SHISA9: variants seen among roughly 807,000 people sequenced by gnomAD.
SHISA9 encodes the protein shisa family member 9.
Under a neutral mutation model 38.0 loss-of-function variants are expected in SHISA9, and 13 were observed. The observed-to-expected ratio is 0.34, with a 90% CI of 0.22 to 0.54. The LOEUF (loss-of-function observed/expected upper bound fraction) is 0.54, where lower values mean the gene tolerates loss of function less well. Ranked by LOEUF, SHISA9 falls within the 20% of genes least tolerant of loss-of-function variation. SHISA9 has a pLI of 0.91. For missense variants in SHISA9, 538 were observed against 575.8 expected, an observed-to-expected ratio of 0.93 and a Z score of 0.67; for synonymous variants, 275 against 242.0, an observed-to-expected ratio of 1.14 and a Z score of -1.27.
intron 2 of SHISA9, among the ~76,000 whole-genome samples, chr16:12,988,713 C>A (rs774497325): frequency 5.3e-5 from 8 of 152,000 alleles, no homozygotes; most frequent in Non-Finnish European, 1.0e-4. Context: ...TTAGTAGAGA[C>A]AGGGTTTCAC....
chr16:13,532,551 G>A, the SHISA9 span, among the ~76,000 whole-genome samples: 1 of 70,136 alleles, frequency 1.4e-5, no homozygotes. Flanking sequence ...CTATGTGCGT[G>A]TGTGTATGTG....
chr16:13,424,400 C>T, the SHISA9 span, among the ~76,000 whole-genome samples: 1 of 152,238 alleles, frequency 6.6e-6, no homozygotes, highest in Non-Finnish European at 1.5e-5. Flanking sequence ...TTCCAGGCTT[C>T]TCTGCCTGTC....
the SHISA9 span, among the ~76,000 whole-genome samples, chr16:13,383,576 C>G: frequency 2.0e-5 from 3 of 152,146 alleles, no homozygotes; most frequent in Non-Finnish European, 4.4e-5. Context: ...CTGGAAAGGG[C>G]ATTGAGAGGA....
In SHISA9 at chr16:12,901,911, C is replaced by G. The variant is rs936840083; in HGVS notation, c.-154C>G. 2.0e-5 allele frequency: 8 copies of G among 396,192 alleles called. No individual in the cohort carries two copies. Among genetic ancestry groups the G allele is most frequent in the African/African-American group, 1.7e-4 (8 of 46,690 alleles). 24.5% of individuals were successfully genotyped at this position (396,192 alleles called of 1,614,324 possible). Reference sequence around the variant, plus strand: ...GGGCTGAGCCGAGCGCAGTGGCCGCCGACCACCGAGCGCCCCGCGCCGCTC... The same window carrying G: ...GGGCTGAGCCGAGCGCAGTGGCCGCGGACCACCGAGCGCCCCGCGCCGCTC... On this transcript the variant is annotated 5_prime_UTR_variant, in exon 1 of 5. Transcript: ENST00000558583.
At chr16:13,422,460 G>C in the SHISA9 span, among the ~76,000 whole-genome samples, 110,690 of 152,088 alleles carry the variant, frequency 0.73, 40,512 homozygotes, top group Admixed American at 0.82. Flanking sequence ...CTTTCAGAGG[G>C]TGAGGCAGGT....
rs79319337 is a variant in SHISA9 at position 13,161,578 on chromosome 16, C to T, written c.692-41816C>T. Among the ~76,000 whole-genome samples the T allele has an allele frequency of 4.1e-3, 623 of 152,330 alleles. 4 individuals carry two copies. The highest frequency in any genetic ancestry group is 0.013 in the African/African-American group (555 of 41,570). ...CTCAAAGGCATTTTTCTGTCCCAGC[C>T]ATCCCCTCCTACGTTGGTCCAGACC... is the stretch of plus-strand genomic sequence containing the variant. On this transcript the variant is annotated intron_variant, in intron 2 of 4. Coordinates refer to ENST00000558583, the MANE Select transcript of SHISA9 (RefSeq NM_001145204.3).
At chr16:13,353,288 A>C in the SHISA9 span, among the ~76,000 whole-genome samples, 1 of 152,180 alleles carries the variant, frequency 6.6e-6, no homozygotes, top group African/African-American at 2.4e-5. Context: ...TGAACTGAAA[A>C]ACTAAATGGA....
At chr16:13,042,117 T>G (rs1017787495) in intron 2 of SHISA9, among the ~76,000 whole-genome samples, 2 of 152,162 alleles carry the variant, frequency 1.3e-5, no homozygotes, top group African/African-American at 2.4e-5. Flanking sequence ...TTGTAATAAC[T>G]GGGATTATTG....
At chr16:12,970,370 CATATATATAT>C (rs1254256597) in intron 2 of SHISA9, among the ~76,000 whole-genome samples, 3 of 55,710 alleles carry the variant, frequency 5.4e-5, no homozygotes, top group Non-Finnish European at 9.8e-5. Flanking sequence ...TATATATATA[CATATATATAT>C]ACATATATGT....
chr16:13,312,726 T>C, the SHISA9 span, among the ~76,000 whole-genome samples: 1 of 152,180 alleles, frequency 6.6e-6, no homozygotes. Context: ...TCTGGTACAA[T>C]CATAATATGG....
chr16:13,019,980 C>CTTCT (rs1232522538), intron 2 of SHISA9, among the ~76,000 whole-genome samples: 1 of 101,164 alleles, frequency 9.9e-6, no homozygotes, highest in African/African-American at 4.2e-5. Context: ...TCCTTCCTTC[C>CTTCT]TTCCTTCCTT....
intron 2 of SHISA9, among the ~76,000 whole-genome samples, chr16:13,169,793 G>T (rs1221485321): frequency 1.3e-5 from 2 of 152,182 alleles, no homozygotes; most frequent in Non-Finnish European, 2.9e-5. Context: ...TATGCTCTGT[G>T]TCCCAGCTTC....
rs565527961 is a variant in SHISA9 at position 13,035,518 on chromosome 16, T to G, written c.691+118703T>G. Among the ~76,000 whole-genome samples, 8 of 142,152 alleles carry G rather than the reference T, an allele frequency of 5.6e-5. No individual in the cohort carries two copies. The South Asian group carries it at 1.6e-3, about 29-fold the overall frequency. The allele number at this position is 142,152 out of a possible 152,430, so 93.3% of individuals were successfully genotyped here. Reference sequence around the variant, plus strand: ...TATTCTGAGGTTGATTATGATTATGTGTTCCTGTAATTTTCAGCTTTTTTT... The same window carrying G: ...TATTCTGAGGTTGATTATGATTATGGGTTCCTGTAATTTTCAGCTTTTTTT... On this transcript the variant is annotated intron_variant, in intron 2 of 4. Coordinates refer to ENST00000558583, the MANE Select transcript of SHISA9 (RefSeq NM_001145204.3).
the SHISA9 span, among the ~76,000 whole-genome samples, chr16:13,471,060 A>G: frequency 0.01 from 1,557 of 152,182 alleles, 27 homozygotes; most frequent in African/African-American, 0.036. Context: ...GGAACCCTAA[A>G]GATCCATCTA....
chr16:13,004,954 A>AAAAG (rs1478912592), intron 2 of SHISA9, among the ~76,000 whole-genome samples: 2 of 45,884 alleles, frequency 4.4e-5, no homozygotes, highest in African/African-American at 1.8e-4. Flanking sequence ...AAAAAAAAAA[A>AAAAG]AAAAGAAAAA....
intron 2 of SHISA9, among the ~76,000 whole-genome samples, chr16:13,185,490 T>C (rs73522646): frequency 0.01 from 1,563 of 152,312 alleles, 18 homozygotes; most frequent in African/African-American, 0.036. Context: ...AGTCATGGAC[T>C]GCCAAGCCTG....
chr16:13,019,844 T>TTCCTTCCCTCCC (rs1567183929), intron 2 of SHISA9, among the ~76,000 whole-genome samples: 5 of 58,570 alleles, frequency 8.5e-5, no homozygotes, highest in Non-Finnish European at 1.5e-4. Flanking sequence ...TTTTCCTTCC[T>TTCCTTCCCTCCC]TCCCTCCCTC....
the SHISA9 span, among the ~76,000 whole-genome samples, chr16:13,348,550 G>T: frequency 6.6e-6 from 1 of 151,694 alleles, no homozygotes; most frequent in Non-Finnish European, 1.5e-5. Flanking sequence ...CTGATGCCTG[G>T]TGCCTGACTC....
chr16:13,548,863 A>G, the SHISA9 span, among the ~76,000 whole-genome samples: 1 of 152,218 alleles, frequency 6.6e-6, no homozygotes, highest in Non-Finnish European at 1.5e-5. Context: ...ACAGCTGGGT[A>G]TATATACAAA....
Sources: gnomAD v4.1 joint callset for allele counts (sites outside exome capture counted in the v4.1 genomes callset) on GRCh38, gnomAD v4.1.1 for gene constraint, MANE v1.5 for transcripts, NCBI Gene and HGNC (gene_info 2026-07-23, HGNC 2026-07-21) for gene names.